NDNF: variants seen among roughly 807,000 people sequenced by gnomAD.
The protein encoded by NDNF is protein NDNF.
NDNF carries 16 observed loss-of-function variants against 42.0 expected under a neutral mutation model. The observed-to-expected ratio is 0.38, with a 90% confidence interval of 0.26 to 0.58. The LOEUF (loss-of-function observed/expected upper bound fraction) is 0.58. Ranked by LOEUF, NDNF falls within the 20% of genes least tolerant of loss-of-function variation. The pLI, the probability that NDNF is intolerant of heterozygous loss-of-function variation, is 0.67. For synonymous variants in NDNF, 248 were observed against 251.7 expected (o/e 0.99, Z 0.14); for missense variants, 616 against 666.2 (o/e 0.92, Z 0.83).
rs1002135851 is a variant in NDNF at position 121,036,072 on chromosome 4, T to C, written c.*192A>G. On this transcript the variant is annotated 3_prime_UTR_variant, in exon 4 of 4. Coordinates refer to ENST00000379692, the MANE Select transcript of NDNF (RefSeq NM_024574.4). ...GGCATCAGACACACACTAGGTACCA[T>C]GGGGCACGCTAGAACAAGTCTCCTT... 1 of 553,154 alleles carries C rather than the reference T, an allele frequency of 1.8e-6. No homozygotes were observed. The highest frequency in any genetic ancestry group is 3.1e-6 in the Non-Finnish European group (1 of 320,956). The allele number at this position is 553,154 out of a possible 1,614,324, so 34.3% of individuals were successfully genotyped here. A position where few individuals can be genotyped will look rare whatever the true frequency, so the allele number is the denominator to read the frequency against.
intron 2 of NDNF, among the ~76,000 whole-genome samples, chr4:121,043,456 GTA>G (rs1727037956): frequency 6.6e-6 from 1 of 152,050 alleles, no homozygotes; most frequent in African/African-American, 2.4e-5. Context: ...TTTTACTAGT[GTA>G]TGTTAACATT....
chr4:121,069,739 A>ATTTTT (rs1727557941), intron 1 of NDNF, among the ~76,000 whole-genome samples: 1 of 152,212 alleles, frequency 6.6e-6, no homozygotes, highest in Non-Finnish European at 1.5e-5. Flanking sequence ...TTCTTTCTCT[A>ATTTTT]AAGGAAGAAG....
chr4:121,046,713 G>A (rs1190139912), intron 1 of NDNF, among the ~76,000 whole-genome samples: 1 of 152,134 alleles, frequency 6.6e-6, no homozygotes, highest in Non-Finnish European at 1.5e-5. Flanking sequence ...TTACATTTTG[G>A]CATTTGTCAC....
Position 121,039,171 on chromosome 4 carries a change from A to ACGT in NDNF, c.313+758_313+759insACG, listed in dbSNP as rs1273969266. 6.6e-4 allele frequency among the ~76,000 whole-genome samples: 54 copies of ACGT among 81,384 alleles called. 1 individual carries two copies. Among genetic ancestry groups the ACGT allele is most frequent in the Admixed American group, 9.7e-4 (6 of 6,184 alleles). 53.4% of individuals were successfully genotyped at this position (81,384 alleles called of 152,430 possible). On this transcript the variant is annotated intron_variant, in intron 3 of 3. Coordinates refer to ENST00000379692, the MANE Select transcript of NDNF (RefSeq NM_024574.4). The stretch of plus-strand genomic sequence containing the variant: ...TATATATATATGTATATATATATAT[A>ACGT]AAGACTATGTGTGTGTGTGTGTATA...
chr4:121,066,975 C>T (rs991949993), intron 1 of NDNF, among the ~76,000 whole-genome samples: 1 of 152,346 alleles, frequency 6.6e-6, no homozygotes, highest in Middle Eastern at 3.4e-3. Flanking sequence ...CTGGTCACCA[C>T]TATTTGTGAT....
chr4:121,043,831 T>A (rs1727044694), intron 2 of NDNF, among the ~76,000 whole-genome samples: 1 of 152,158 alleles, frequency 6.6e-6, no homozygotes, highest in Non-Finnish European at 1.5e-5. Flanking sequence ...CACGTAAATT[T>A]CAAAGGACAA....
In NDNF at chr4:121,035,700, A is replaced by C. The variant is rs2148761038; in HGVS notation, c.*564T>G. 1 of 152,712 alleles carries C rather than the reference A, an allele frequency of 6.5e-6. No homozygotes were observed. The highest frequency in any genetic ancestry group is 2.1e-4 in the South Asian group (1 of 4,838). The allele number at this position is 152,712 out of a possible 1,614,324, so 9.5% of individuals were successfully genotyped here. ...TATGTCAACTTTGTACATGAGATAC[A>C]TATAGTATTTAAACATTTTACTCAA... On this transcript the variant is annotated 3_prime_UTR_variant, in exon 4 of 4. Coordinates refer to ENST00000379692, the MANE Select transcript of NDNF (RefSeq NM_024574.4).
chr4:121,042,170 G>C (rs1270182650), intron 2 of NDNF, among the ~76,000 whole-genome samples: 1 of 152,052 alleles, frequency 6.6e-6, no homozygotes. Flanking sequence ...CATTTATCAC[G>C]CCTTTGTATT....
chr4:121,056,732 A>C (rs963088646), intron 1 of NDNF, among the ~76,000 whole-genome samples: 4 of 152,234 alleles, frequency 2.6e-5, no homozygotes, highest in Non-Finnish European at 5.9e-5. Flanking sequence ...TAACAAGACA[A>C]GGTACTTAAC....
At chr4:121,041,905 A>T (rs549709873) in intron 2 of NDNF, among the ~76,000 whole-genome samples, 1 of 152,234 alleles carries the variant, frequency 6.6e-6, no homozygotes, top group East Asian at 1.9e-4. Flanking sequence ...GCACAGAGTT[A>T]AGTGGGTAGT....
rs1265801558 is a variant in NDNF, at chr4:121,037,096, C to T, written c.875G>A (p.Cys292Tyr). The T allele has an allele frequency of 6.2e-7, 1 of 1,613,706 alleles. No individual in the cohort carries two copies. The highest frequency in any genetic ancestry group is 8.5e-7 in the Non-Finnish European group (1 of 1,179,992). ...GGTGAAGATGTTCTTGTTTCCTATG[C>T]AGATTTTCTGAATATCAACCTTGGG... ...SRPKVDIQKI[C>Y]IGNKNIFTVS... Residue 292 changes from cysteine to tyrosine, a missense_variant, in exon 4 of 4, where the codon TGC (cysteine) becomes TAC (tyrosine). Coordinates refer to ENST00000379692, the MANE Select transcript of NDNF (RefSeq NM_024574.4).
intron 1 of NDNF, among the ~76,000 whole-genome samples, chr4:121,049,971 G>A (rs565455860): frequency 2.0e-5 from 3 of 152,224 alleles, no homozygotes; most frequent in South Asian, 2.1e-4. Context: ...CTACTGTTGG[G>A]GAAAAACTTA....
chr4:121,045,201 A>G (rs1727067690), intron 2 of NDNF, among the ~76,000 whole-genome samples: 1 of 151,948 alleles, frequency 6.6e-6, no homozygotes, highest in Admixed American at 6.5e-5. Flanking sequence ...AAATACAAAA[A>G]ATTAGCCAGG....
At position 121,036,476 on chromosome 4, in the gene NDNF, T is replaced by C. The variant is rs1211179158; in HGVS notation, c.1495A>G (p.Asn499Asp). 2 of 1,614,036 alleles carry C rather than the reference T, an allele frequency of 1.2e-6. No homozygotes were observed. Among genetic ancestry groups the C allele is most frequent in the Admixed American group, 3.3e-5 (2 of 59,988 alleles). The change falls in exon 4 of 4, where the codon AAC becomes GAC. Residue 499 changes from asparagine (N) to aspartate (D), a missense_variant. Asn to Asp is a conservative substitution (Grantham distance 23). Coordinates refer to ENST00000379692, the MANE Select transcript of NDNF (RefSeq NM_024574.4). Reference protein sequence around the residue: ...YNEDQKKREQNQCLGPDIRKK... With the variant: ...YNEDQKKREQDQCLGPDIRKK... The stretch of plus-strand genomic sequence containing the variant: ...CTTATATCTGGTCCTAGACATTGGT[T>C]TTGCTCTCTTTTCTTCTGGTCTTCA...
At chr4:121,053,700 A>G (rs1727239204) in intron 1 of NDNF, among the ~76,000 whole-genome samples, 2 of 152,230 alleles carry the variant, frequency 1.3e-5, no homozygotes, top group African/African-American at 2.4e-5. Context: ...AATGTCCTCT[A>G]TATGTGAAAC....
At chr4:121,058,941 T>C (rs1727349941) in intron 1 of NDNF, among the ~76,000 whole-genome samples, 1 of 151,822 alleles carries the variant, frequency 6.6e-6, no homozygotes, top group East Asian at 1.9e-4. Flanking sequence ...CATGAGGTCC[T>C]TCACTCTCAA....
chr4:121,043,441 T>C (rs1427827816), intron 2 of NDNF, among the ~76,000 whole-genome samples: 1 of 152,184 alleles, frequency 6.6e-6, no homozygotes, highest in Non-Finnish European at 1.5e-5. Context: ...CTAGCATAAG[T>C]CTGCTTTTAC....
rs2148764360 is a variant in NDNF at position 121,042,499 on chromosome 4, T to C, written c.189-2445A>G. Among the ~76,000 whole-genome samples the C allele has an allele frequency of 2.6e-5, 4 of 152,332 alleles. No homozygotes were observed. The East Asian group carries it at 5.8e-4, about 22-fold the overall frequency. The stretch of plus-strand genomic sequence containing the variant: ...ATAACAGTAAAGTTAAACAATCATC[T>C]AGACAAAATAGATGATTGAATTGTT... On this transcript the variant is annotated intron_variant, in intron 2 of 3. Coordinates refer to ENST00000379692, the MANE Select transcript of NDNF (RefSeq NM_024574.4).
chr4:121,068,403 T>C (rs1225657416), intron 1 of NDNF, among the ~76,000 whole-genome samples: 1 of 152,196 alleles, frequency 6.6e-6, no homozygotes, highest in Non-Finnish European at 1.5e-5. Context: ...CTATTTACTA[T>C]CAACCACGCT....
Sources: allele counts gnomAD v4.1 joint callset (sites outside exome capture counted in the v4.1 genomes callset), GRCh38; gene constraint gnomAD v4.1.1; transcripts MANE v1.5; gene names NCBI Gene and HGNC (gene_info 2026-07-23, HGNC 2026-07-21).